Variants in PCDH7 observed in about 807,000 individuals in gnomAD.
The protein encoded by PCDH7 is protocadherin-7.
A neutral mutation model predicts 58.9 loss-of-function variants in PCDH7; 17 were observed. That is an observed-to-expected ratio of 0.29 (90% CI 0.20 to 0.43). The LOEUF (loss-of-function observed/expected upper bound fraction) is 0.43. Ranked by LOEUF, PCDH7 falls within the 20% of genes least tolerant of loss-of-function variation. The pLI is 1.00. For synonymous variants in PCDH7, 664 were observed against 616.4 expected, an observed-to-expected ratio of 1.08 and a Z score of -1.14; for missense variants, 1,274 against 1,441.0, an observed-to-expected ratio of 0.88 and a Z score of 1.88.
intron 3 of PCDH7, among the ~76,000 whole-genome samples, chr4:31,134,880 A>G (rs1719410845): frequency 6.6e-6 from 1 of 152,046 alleles, no homozygotes; most frequent in Non-Finnish European, 1.5e-5. Context: ...CAAAGTTGTG[A>G]CCTCTTAATA....
rs142125818 is a variant in PCDH7, at chr4:31,142,764, A to G, written c.*299A>G. On this transcript the variant is annotated 3_prime_UTR_variant, in exon 4 of 4. Coordinates refer to the PCDH7 transcript ENST00000509759. ...AGTTTCAGCAAAAATGAGGAAGCCA[A>G]CCCTGAGGATATTCCCCTTACAAAA... 278 of 1,367,466 alleles carry G rather than the reference A, an allele frequency of 2.0e-4. 1 individual carries two copies. In the African/African-American group the frequency reaches 3.6e-3, roughly 18 times the overall value. 84.7% of individuals were successfully genotyped at this position (1,367,466 alleles called of 1,614,324 possible).
chr4:30,755,216 G>T (rs1372357375), intron 1 of PCDH7, among the ~76,000 whole-genome samples: 1 of 152,270 alleles, frequency 6.6e-6, no homozygotes, highest in East Asian at 1.9e-4. Flanking sequence ...ACATGTGCTT[G>T]ATCTTAGAAA....
At chr4:30,856,536 G>T (rs566235174) in intron 1 of PCDH7, among the ~76,000 whole-genome samples, 1 of 152,048 alleles carries the variant, frequency 6.6e-6, no homozygotes, top group African/African-American at 2.4e-5. Flanking sequence ...TGCAGTTGTT[G>T]TATACCAGTA....
intron 1 of PCDH7, among the ~76,000 whole-genome samples, chr4:30,814,423 CTTTAG>C (rs1013108217): frequency 6.6e-6 from 1 of 151,978 alleles, no homozygotes; most frequent in Non-Finnish European, 1.5e-5. Context: ...TTGTGAGCTC[CTTTAG>C]TTTATTTTAC....
At chr4:30,844,787 A>G (rs987291156) in intron 1 of PCDH7, among the ~76,000 whole-genome samples, 6 of 152,174 alleles carry the variant, frequency 3.9e-5, no homozygotes, top group Non-Finnish European at 7.3e-5. Flanking sequence ...GAGCAGATTA[A>G]TGTATGTGAT....
chr4:30,804,355 A>G (rs1725911696), intron 1 of PCDH7, among the ~76,000 whole-genome samples: 1 of 152,082 alleles, frequency 6.6e-6, no homozygotes, highest in Non-Finnish European at 1.5e-5. Context: ...CCTGGTCAAT[A>G]TGGTGAAACC....
chr4:30,938,326 C>T (rs369057525), intron 2 of PCDH7, among the ~76,000 whole-genome samples: 2 of 152,126 alleles, frequency 1.3e-5, no homozygotes, highest in South Asian at 4.1e-4. Flanking sequence ...TCTACTTGTA[C>T]GTGATATGCA....
chr4:30,938,334 G>A (rs11729676), intron 2 of PCDH7, among the ~76,000 whole-genome samples: 9,420 of 152,126 alleles, frequency 0.062, 422 homozygotes, highest in Non-Finnish European at 0.095. Context: ...TACGTGATAT[G>A]CATTTCTAAA....
At chr4:31,082,580 A>G (rs1008206167) in intron 3 of PCDH7, among the ~76,000 whole-genome samples, 7 of 152,224 alleles carry the variant, frequency 4.6e-5, no homozygotes, top group African/African-American at 1.7e-4. Context: ...AAATCATGAC[A>G]TTATCAGAAG....
intron 3 of PCDH7, among the ~76,000 whole-genome samples, chr4:31,049,145 C>T (rs909865869): frequency 2.0e-5 from 3 of 152,036 alleles, no homozygotes; most frequent in African/African-American, 7.2e-5. Context: ...GCTATCCCTC[C>T]CCACTCCTCC....
intron 3 of PCDH7, 47 bp from the exon 3 acceptor site, chr4:31,142,426 T>A: frequency 7.6e-7 from 1 of 1,318,738 alleles, no homozygotes; most frequent in African/African-American, 1.5e-5. Context: ...CAGGGGAGCC[T>A]GTTGAGGAGT....
intron 3 of PCDH7, among the ~76,000 whole-genome samples, chr4:31,104,313 C>T (rs747753424): frequency 3.9e-5 from 6 of 152,038 alleles, no homozygotes; most frequent in Non-Finnish European, 7.4e-5. Context: ...TGCATTCATC[C>T]CTAATTGTAC....
intron 1 of PCDH7, among the ~76,000 whole-genome samples, chr4:30,774,802 C>G (rs1721858537): frequency 6.6e-6 from 1 of 152,026 alleles, no homozygotes. Context: ...TGTTTATTAC[C>G]AAATGTAATG....
At chr4:30,875,412 G>C (rs1179913626) in intron 1 of PCDH7, among the ~76,000 whole-genome samples, 2 of 151,990 alleles carry the variant, frequency 1.3e-5, no homozygotes, top group East Asian at 1.9e-4. Flanking sequence ...AGACTTTCAC[G>C]TATGGATTTT....
At chr4:30,820,739 T>A (rs1375038260) in intron 1 of PCDH7, among the ~76,000 whole-genome samples, 1 of 152,098 alleles carries the variant, frequency 6.6e-6, no homozygotes, top group Non-Finnish European at 1.5e-5. Flanking sequence ...CATGTTTTCA[T>A]GTGAATATGA....
intron 1 of PCDH7, among the ~76,000 whole-genome samples, chr4:30,898,715 C>G (rs1267180792): frequency 3.3e-5 from 5 of 152,142 alleles, no homozygotes; most frequent in Admixed American, 3.3e-4. Context: ...GTGAGCCTCC[C>G]GAGTAGCTGG....
chr4:30,798,344 A>T (rs538017075), intron 1 of PCDH7, among the ~76,000 whole-genome samples: 1 of 152,314 alleles, frequency 6.6e-6, no homozygotes, highest in South Asian at 2.1e-4. Flanking sequence ...TCTGGGTTGT[A>T]TGCTTACTTG....
At chr4:30,971,136 A>T (rs1749549175) in intron 3 of PCDH7, among the ~76,000 whole-genome samples, 1 of 152,214 alleles carries the variant, frequency 6.6e-6, no homozygotes, top group African/African-American at 2.4e-5. Context: ...AACTGTGTTA[A>T]GTTGAAAGGT....
At chr4:30,828,226 C>T (rs1373009597) in intron 1 of PCDH7, among the ~76,000 whole-genome samples, 4 of 147,662 alleles carry the variant, frequency 2.7e-5, no homozygotes, top group Non-Finnish European at 6.0e-5. Context: ...ACTATCTCAA[C>T]AAAAATTACC....
Sources: gnomAD v4.1 joint callset for allele counts (sites outside exome capture counted in the v4.1 genomes callset) on GRCh38, gnomAD v4.1.1 for gene constraint, MANE v1.5 for transcripts, NCBI Gene and HGNC (gene_info 2026-07-23, HGNC 2026-07-21) for gene names.